Variants in SLC24A2 observed in about 807,000 individuals in gnomAD.
SLC24A2 encodes solute carrier family 24 member 2.
SLC24A2 carries 36 observed loss-of-function variants against 62.0 expected under a neutral mutation model. The ratio of observed to expected loss-of-function variants is 0.58; its 90% CI spans 0.44 to 0.77. The LOEUF (loss-of-function observed/expected upper bound fraction) is 0.77. SLC24A2 is among the 30% of genes least tolerant of loss of function. The probability of loss-of-function intolerance (pLI) is 0.00; values close to 1 mark genes in which losing one functional copy is unlikely to be tolerated. For synonymous variants in SLC24A2, 358 were observed against 294.0 expected (o/e 1.22, Z -2.23); for missense variants, 846 against 817.9 (o/e 1.03, Z -0.42).
intron 2 of SLC24A2, among the ~76,000 whole-genome samples, chr9:19,680,885 GTC>G (rs1491082014): frequency 6.9e-6 from 1 of 145,246 alleles, no homozygotes; most frequent in Middle Eastern, 3.3e-3. Flanking sequence ...GTGTGTGTGT[GTC>G]ACAATGCACT....
the SLC24A2 span, among the ~76,000 whole-genome samples, chr9:19,944,018 C>T: frequency 6.6e-6 from 1 of 152,046 alleles, no homozygotes; most frequent in African/African-American, 2.4e-5. Context: ...GAACAGAAAA[C>T]CAAATACTGT....
At chr9:20,085,643 C>G in the SLC24A2 span, among the ~76,000 whole-genome samples, 2,318 of 152,224 alleles carry the variant, frequency 0.015, 26 homozygotes, top group Non-Finnish European at 0.026. Flanking sequence ...ACTGTTACAG[C>G]TAGTAAATGG....
chr9:19,998,109 T>C, the SLC24A2 span, among the ~76,000 whole-genome samples: 1 of 152,190 alleles, frequency 6.6e-6, no homozygotes, highest in African/African-American at 2.4e-5. Flanking sequence ...TGGTAAGTAA[T>C]TTACATTCAT....
chr9:20,127,878 T>G, the SLC24A2 span, among the ~76,000 whole-genome samples: 1 of 152,148 alleles, frequency 6.6e-6, no homozygotes, highest in African/African-American at 2.4e-5. Context: ...GTCACTCTAT[T>G]AACACCCAAT....
the SLC24A2 span, among the ~76,000 whole-genome samples, chr9:19,878,481 T>C: frequency 6.6e-6 from 1 of 152,226 alleles, no homozygotes; most frequent in Non-Finnish European, 1.5e-5. Flanking sequence ...ATAATGATCA[T>C]GACAATCTTT....
intron 3 of SLC24A2, among the ~76,000 whole-genome samples, chr9:19,621,903 C>A (rs1321137567): frequency 1.3e-5 from 2 of 152,020 alleles, no homozygotes; most frequent in Non-Finnish European, 2.9e-5. Context: ...TGCAGATACA[C>A]AAAGAAAACA....
intron 2 of SLC24A2, among the ~76,000 whole-genome samples, chr9:19,750,537 T>C (rs763804849): frequency 6.6e-6 from 1 of 152,120 alleles, no homozygotes; most frequent in South Asian, 2.1e-4. Flanking sequence ...GTCATCATTG[T>C]CTCTGATCTC....
At chr9:19,796,849 T>A in the SLC24A2 span, among the ~76,000 whole-genome samples, 1 of 152,208 alleles carries the variant, frequency 6.6e-6, no homozygotes, top group Non-Finnish European at 1.5e-5. Flanking sequence ...TTGGAGTGGA[T>A]CTTTTCTCAT....
chr9:20,092,650 T>C, the SLC24A2 span, among the ~76,000 whole-genome samples: 6 of 152,224 alleles, frequency 3.9e-5, no homozygotes, highest in Non-Finnish European at 7.3e-5. Context: ...GATGATTTGA[T>C]ATATGGATAC....
chr9:19,655,646 G>C (rs1407872580), intron 2 of SLC24A2, among the ~76,000 whole-genome samples: 1 of 152,114 alleles, frequency 6.6e-6, no homozygotes, highest in Non-Finnish European at 1.5e-5. Context: ...GCACTAATTG[G>C]TGAAAAATTT....
chr9:20,065,146 G>T, the SLC24A2 span, among the ~76,000 whole-genome samples: 1 of 152,212 alleles, frequency 6.6e-6, no homozygotes, highest in Admixed American at 6.5e-5. Flanking sequence ...ACATTTCATA[G>T]CTCTGGGGAA....
intron 2 of SLC24A2, among the ~76,000 whole-genome samples, chr9:19,730,766 A>G (rs888964909): frequency 6.6e-6 from 1 of 152,050 alleles, no homozygotes; most frequent in Non-Finnish European, 1.5e-5. Flanking sequence ...TGCTTAAAAT[A>G]TTTTTCGATG....
the SLC24A2 span, among the ~76,000 whole-genome samples, chr9:19,818,749 C>T: frequency 1.4e-4 from 21 of 152,038 alleles, no homozygotes; most frequent in Non-Finnish European, 2.1e-4. Context: ...ATGGAATCAA[C>T]ATTGTGAAAA....
chr9:20,284,085 A>G, the SLC24A2 span, among the ~76,000 whole-genome samples: 7 of 152,136 alleles, frequency 4.6e-5, no homozygotes, highest in Non-Finnish European at 8.8e-5. Flanking sequence ...TATCATTTCT[A>G]TAGAGGCAAT....
chr9:19,838,632 C>T, the SLC24A2 span, among the ~76,000 whole-genome samples: 3 of 149,228 alleles, frequency 2.0e-5, no homozygotes, highest in Non-Finnish European at 4.4e-5. Context: ...GAGGGAGACT[C>T]TGGTCTCAAA....
At chr9:19,793,206 T>C (rs1165412298), upstream of SLC24A2, among the ~76,000 whole-genome samples, 2 of 152,244 alleles carry the variant, frequency 1.3e-5, no homozygotes, top group Non-Finnish European at 2.9e-5. Flanking sequence ...TCACAGTGGC[T>C]TAAAACAATG....
intron 4 of SLC24A2, among the ~76,000 whole-genome samples, chr9:19,608,113 G>A (rs1213876389): frequency 6.6e-6 from 1 of 152,146 alleles, no homozygotes; most frequent in Non-Finnish European, 1.5e-5. Flanking sequence ...TTTCTCCAGT[G>A]AAGATTTTCA....
At chr9:19,955,221 G>T in the SLC24A2 span, among the ~76,000 whole-genome samples, 1 of 151,870 alleles carries the variant, frequency 6.6e-6, no homozygotes, top group Non-Finnish European at 1.5e-5. Flanking sequence ...TAAGTAATGG[G>T]GTCTTAGATT....
At chr9:19,981,063 G>C in the SLC24A2 span, among the ~76,000 whole-genome samples, 1 of 152,140 alleles carries the variant, frequency 6.6e-6, no homozygotes, top group African/African-American at 2.4e-5. Context: ...AAAAGATGCT[G>C]ATGGAGTATG....
Sources: gnomAD v4.1 joint callset for allele counts (sites outside exome capture counted in the v4.1 genomes callset) on GRCh38, gnomAD v4.1.1 for gene constraint, MANE v1.5 for transcripts, NCBI Gene and HGNC (gene_info 2026-07-23, HGNC 2026-07-21) for gene names.